IQCM: variants seen among roughly 807,000 people sequenced by gnomAD.
IQCM encodes IQ domain-containing protein M.
In IQCM, 45 loss-of-function variants were observed where a neutral mutation model predicts 57.6. That is an observed-to-expected ratio of 0.78 (90% CI 0.62 to 1.00). IQCM has a LOEUF of 1.00. Among genes scored for constraint, IQCM ranks in the 50% least tolerant of loss-of-function variants. The pLI, the probability that IQCM is intolerant of heterozygous loss-of-function variation, is 0.00. For missense variants in IQCM, 468 were observed against 511.6 expected (o/e 0.91, Z 0.82); for synonymous variants, 148 against 158.9 (o/e 0.93, Z 0.51).
intron 13 of IQCM, among the ~76,000 whole-genome samples, chr4:149,401,699 T>C (rs560035795): frequency 6.6e-6 from 1 of 151,850 alleles, no homozygotes; most frequent in African/African-American, 2.4e-5. Flanking sequence ...ATTTCAATGG[T>C]TAGGTAGATA....
chr4:149,800,982 C>G (rs1444452312), intron 2 of IQCM, among the ~76,000 whole-genome samples: 2 of 151,742 alleles, frequency 1.3e-5, no homozygotes, highest in South Asian at 4.1e-4. Context: ...AAAAAAAATT[C>G]TAAAATTGAT....
Position 149,808,979 on chromosome 4 carries a change from A to G in IQCM, c.-49+6332T>C, listed in dbSNP as rs568096118. Among the ~76,000 whole-genome samples the G allele has an allele frequency of 2.6e-5, 4 of 152,322 alleles. No homozygotes were observed. In the East Asian group the frequency reaches 5.8e-4, roughly 22 times the overall value. ...GATGTTTGGTTTGGAATATTTACAC[A>G]TTTTAATATTTTGAAAAAATAAGAA... On this transcript the variant is annotated intron_variant, in intron 2 of 13. Transcript: ENST00000636793.
chr4:149,636,924 A>G (rs1757766609), intron 7 of IQCM, among the ~76,000 whole-genome samples: 1 of 151,418 alleles, frequency 6.6e-6, no homozygotes, highest in Admixed American at 6.6e-5. Flanking sequence ...CGGGTGGATC[A>G]TGAGGTCAGG....
At chr4:149,654,191 C>T (rs906899461) in intron 7 of IQCM, among the ~76,000 whole-genome samples, 1 of 152,120 alleles carries the variant, frequency 6.6e-6, no homozygotes, top group African/African-American at 2.4e-5. Context: ...AGTTCTATTA[C>T]CTTTCTTTTC....
chr4:149,718,881 G>T (rs1203267096), intron 5 of IQCM, among the ~76,000 whole-genome samples: 1 of 152,148 alleles, frequency 6.6e-6, no homozygotes, highest in East Asian at 1.9e-4. Context: ...GATAATCCAA[G>T]ATAGTCTCCC....
At chr4:149,484,361 T>G (rs1741239896) in intron 12 of IQCM, among the ~76,000 whole-genome samples, 1 of 151,984 alleles carries the variant, frequency 6.6e-6, no homozygotes, top group Non-Finnish European at 1.5e-5. Flanking sequence ...TTTTTTAGGT[T>G]GTTTTTCAGT....
At chr4:149,777,616 A>G (rs1278249514) in intron 2 of IQCM, among the ~76,000 whole-genome samples, 4 of 152,202 alleles carry the variant, frequency 2.6e-5, no homozygotes, top group Non-Finnish European at 5.9e-5. Context: ...GGCATACGTG[A>G]CCAAAAGCAT....
intron 12 of IQCM, among the ~76,000 whole-genome samples, chr4:149,510,910 A>G (rs1744338843): frequency 6.6e-6 from 1 of 152,222 alleles, no homozygotes; most frequent in Non-Finnish European, 1.5e-5. Context: ...TTGTTAAGTT[A>G]TTACTTGTCT....
intron 13 of IQCM, among the ~76,000 whole-genome samples, chr4:149,418,418 CAAT>C (rs1363680157): frequency 6.6e-6 from 1 of 151,904 alleles, no homozygotes; most frequent in African/African-American, 2.4e-5. Context: ...AATAGACCAA[CAAT>C]GAGTTCTGAA....
intron 13 of IQCM, among the ~76,000 whole-genome samples, chr4:149,415,120 T>C (rs1486977377): frequency 6.6e-6 from 1 of 152,206 alleles, no homozygotes; most frequent in African/African-American, 2.4e-5. Flanking sequence ...ATGGATACTT[T>C]GATTAAAATG....
intron 7 of IQCM, among the ~76,000 whole-genome samples, chr4:149,676,827 T>C (rs777994801): frequency 1.3e-5 from 2 of 152,028 alleles, no homozygotes; most frequent in Non-Finnish European, 2.9e-5. Flanking sequence ...TAAAGAAGAA[T>C]TGAGGACCTC....
chr4:149,797,297 C>G (rs544805491), intron 2 of IQCM, among the ~76,000 whole-genome samples: 2 of 152,082 alleles, frequency 1.3e-5, no homozygotes, highest in East Asian at 3.9e-4. Context: ...CACCAGAGTT[C>G]TTTAGTAGCA....
At chr4:149,803,332 C>A (rs1437152645) in intron 2 of IQCM, among the ~76,000 whole-genome samples, 1 of 151,924 alleles carries the variant, frequency 6.6e-6, no homozygotes, top group African/African-American at 2.4e-5. Flanking sequence ...ATGCATATTA[C>A]AACATTTGTA....
At chr4:149,515,301 G>A (rs1052728303) in intron 12 of IQCM, among the ~76,000 whole-genome samples, 9 of 152,002 alleles carry the variant, frequency 5.9e-5, no homozygotes, top group African/African-American at 2.2e-4. Flanking sequence ...TCATGAACTG[G>A]GTGCTTTCAG....
At chr4:149,739,652 T>C (rs1445041265) in intron 3 of IQCM, among the ~76,000 whole-genome samples, 1 of 152,058 alleles carries the variant, frequency 6.6e-6, no homozygotes, top group Non-Finnish European at 1.5e-5. Context: ...AAAGCAATAG[T>C]AAGTCATTAC....
At chr4:149,539,455 A>C (rs1747633379) in intron 12 of IQCM, among the ~76,000 whole-genome samples, 2 of 152,170 alleles carry the variant, frequency 1.3e-5, no homozygotes, top group Non-Finnish European at 2.9e-5. Context: ...CTTTAAATTT[A>C]ATCTAACATG....
At chr4:149,362,366 G>A (rs1453496569) in intron 13 of IQCM, among the ~76,000 whole-genome samples, 3 of 152,082 alleles carry the variant, frequency 2.0e-5, no homozygotes, top group African/African-American at 7.2e-5. Flanking sequence ...GCCAGGGGTG[G>A]AATGATATGG....
At chr4:149,603,762 G>A (rs1452729373) in intron 8 of IQCM, among the ~76,000 whole-genome samples, 1 of 151,914 alleles carries the variant, frequency 6.6e-6, no homozygotes, top group African/African-American at 2.4e-5. Context: ...ATTAAGGACT[G>A]TATGAGTCTT....
chr4:149,651,921 T>G (rs1759218280), intron 7 of IQCM, among the ~76,000 whole-genome samples: 1 of 152,086 alleles, frequency 6.6e-6, no homozygotes, highest in Admixed American at 6.6e-5. Context: ...GAAAAAGAAA[T>G]ACCATTTGAC....
Sources: gnomAD v4.1 joint callset for allele counts (sites outside exome capture counted in the v4.1 genomes callset) on GRCh38, gnomAD v4.1.1 for gene constraint, MANE v1.5 for transcripts, NCBI Gene and HGNC (gene_info 2026-07-23, HGNC 2026-07-21) for gene names.